The following CC2D2A variants were observed in gnomAD, a reference collection of about 807,000 sequenced individuals.
CC2D2A encodes coiled-coil and C2 domain containing 2A.
A neutral mutation model predicts 212.9 loss-of-function variants in CC2D2A; 155 were observed. The observed-to-expected ratio is 0.73, with a 90% confidence interval of 0.64 to 0.83. CC2D2A has a LOEUF of 0.83. Ranked by LOEUF, CC2D2A falls within the 40% of genes least tolerant of loss-of-function variation. The probability of loss-of-function intolerance (pLI) is 0.00; values close to 1 mark genes in which losing one functional copy is unlikely to be tolerated. For synonymous variants in CC2D2A, 667 were observed against 686.5 expected, an observed-to-expected ratio of 0.97 and a Z score of 0.44; for missense variants, 1,856 against 1,956.2, an observed-to-expected ratio of 0.95 and a Z score of 0.97.
At chr4:15,485,143 G>T (rs1161484870) in intron 4 of CC2D2A, among the ~76,000 whole-genome samples, 4 of 152,124 alleles carry the variant, frequency 2.6e-5, no homozygotes, top group Non-Finnish European at 5.9e-5. Flanking sequence ...CTCAAGACAG[G>T]GTCCTGCCTC....
chr4:15,492,895 G>T (rs2108988324), intron 4 of CC2D2A: 1 of 556,968 alleles, frequency 1.8e-6, no homozygotes, highest in Admixed American at 2.1e-5. Flanking sequence ...GACAGCCTGG[G>T]TGCTCAGTGT....
In CC2D2A at chr4:15,550,744, TAAC is replaced by T. The variant is rs1718953873; in HGVS notation, c.2182-75_2182-73del. 1.7e-5 allele frequency: 18 copies of T among 1,076,134 alleles called. No homozygotes were observed. In the South Asian group the frequency reaches 3.7e-4, roughly 22 times the overall value. The allele number at this position is 1,076,134 out of a possible 1,614,324, so 66.7% of individuals were successfully genotyped here. On this transcript the variant is annotated intron_variant, in intron 17 of 36. Coordinates refer to ENST00000424120, the MANE Select transcript of CC2D2A (RefSeq NM_001378615.1). ...CTGGAACAGTGACCAGCACAAATAC[TAAC>T]AACATGGACTGATTATCTGAGCGTG...
At position 15,559,239 on chromosome 4, in the gene CC2D2A, A is replaced by T. The variant is rs1457559560; in HGVS notation, c.2904A>T (p.Val968=). 1.4e-5 allele frequency: 21 copies of T among 1,551,344 alleles called. No individual in the cohort carries two copies. Among genetic ancestry groups the T allele is most frequent in the Non-Finnish European group, 1.8e-5 (21 of 1,146,222 alleles). Reference sequence around the variant, plus strand: ...ACATAGACACCCATAGGGCCATAGTAGCCAAGTACCTCCAGCAGGTAAGAA... The same window carrying T: ...ACATAGACACCCATAGGGCCATAGTTGCCAAGTACCTCCAGCAGGTAAGAA... The part of the protein sequence containing the change: ...KEHIDTHRAI[V]AKYLQQVRES... The change falls in exon 22 of 37, where the codon GTA becomes GTT. Residue 968 remains valine, a synonymous_variant. Coordinates refer to ENST00000424120, the MANE Select transcript of CC2D2A (RefSeq NM_001378615.1).
At chr4:15,573,137 A>ATGAAG (rs1720242653) in intron 28 of CC2D2A, among the ~76,000 whole-genome samples, 1 of 10,404 alleles carries the variant, frequency 9.6e-5, no homozygotes, top group African/African-American at 1.1e-4. Context: ...CTTCAGTCCA[A>ATGAAG]TCGATACTTA....
intron 1 of CC2D2A, among the ~76,000 whole-genome samples, chr4:15,473,558 T>C (rs1193669289): frequency 6.6e-6 from 1 of 152,200 alleles, no homozygotes; most frequent in Non-Finnish European, 1.5e-5. Flanking sequence ...TTTTACTCTG[T>C]TGACAAAGGG....
chr4:15,595,928 A>C (rs1721297836), intron 33 of CC2D2A, 157 bp from the exon 34 acceptor site: 2 of 466,764 alleles, frequency 4.3e-6, no homozygotes, highest in African/African-American at 4.0e-5. Flanking sequence ...TGTAAAATAC[A>C]CACAATTTTT....
At chr4:15,470,679 CTCTCTCTCTCTATATATA>C (rs1374207313) in intron 1 of CC2D2A, among the ~76,000 whole-genome samples, 18 of 70,346 alleles carry the variant, frequency 2.6e-4, no homozygotes, top group East Asian at 8.3e-4. Context: ...CTCTCTCTCT[CTCTCTCTCTCTATATATA>C]TATATATATA....
intron 1 of CC2D2A, chr4:15,473,204 G>A (rs1045200224): frequency 6.6e-6 from 1 of 152,100 alleles, no homozygotes; most frequent in African/African-American, 2.4e-5. Context: ...ACAAAATAAT[G>A]TTTCTGCCCT....
intron 29 of CC2D2A, among the ~76,000 whole-genome samples, chr4:15,576,845 A>G (rs1201405831): frequency 1.3e-5 from 2 of 152,244 alleles, no homozygotes; most frequent in Non-Finnish European, 2.9e-5. Context: ...CTTTGAATCT[A>G]AGAAGTCATC....
intron 9 of CC2D2A, 143 bp downstream of exon 9, chr4:15,515,012 C>CA (rs1269041415): frequency 1.5e-4 from 106 of 691,658 alleles, no homozygotes; most frequent in Middle Eastern, 2.8e-4. Context: ...TTCAAACAAA[C>CA]AAAAAAAACA....
rs764521697 is a variant in CC2D2A, at chr4:15,580,081, A to G, written c.3885A>G (p.Gly1295=). The G allele has an allele frequency of 3.7e-6, 6 of 1,613,976 alleles. No homozygotes were observed. The highest frequency in any genetic ancestry group is 5.1e-6 in the Non-Finnish European group (6 of 1,179,848). The change falls in exon 30 of 37, where the codon GGA becomes GGG. Residue 1295 remains glycine, a synonymous_variant. Transcript: ENST00000424120. ...TTACAACAGTAATTGATATAAGCGG[A>G]AAAACTGTTTTTATCACACGTTATC... is the stretch of plus-strand genomic sequence containing the variant. ...QCLTTVIDIS[G]KTVFITRYLK...
At chr4:15,579,893 T>C in intron 29 of CC2D2A, 75 bp from the exon 30 acceptor site, 1 of 1,172,878 alleles carries the variant, frequency 8.5e-7, no homozygotes, top group Non-Finnish European at 1.3e-6. Flanking sequence ...TTCCTGCATG[T>C]TGACTGTGGA....
At chr4:15,483,868 T>C (rs896215841) in intron 4 of CC2D2A, among the ~76,000 whole-genome samples, 8 of 152,208 alleles carry the variant, frequency 5.3e-5, no homozygotes, top group Non-Finnish European at 1.0e-4. Flanking sequence ...AAGCTTGTGA[T>C]TGAAACACAA....
chr4:15,479,157 C>G (rs912142321), intron 3 of CC2D2A: 2 of 1,180,706 alleles, frequency 1.7e-6, no homozygotes, highest in Non-Finnish European at 2.4e-6. Flanking sequence ...TGGCAGTACA[C>G]GATTACAAAT....
intron 4 of CC2D2A, among the ~76,000 whole-genome samples, chr4:15,486,430 A>G (rs1196306999): frequency 6.6e-6 from 1 of 151,932 alleles, no homozygotes; most frequent in Non-Finnish European, 1.5e-5. Context: ...CTAGCTTTCT[A>G]GAAGAAATGT....
In CC2D2A at chr4:15,550,110, T is replaced by C. The variant is rs554313611; in HGVS notation, c.2182-714T>C. The stretch of plus-strand genomic sequence containing the variant: ...TGAAGTGTGCCAAGAATACAGGGGA[T>C]CGAATGGAGCCAAGGGTCCAACTGA... On this transcript the variant is annotated intron_variant, in intron 17 of 36. Transcript: ENST00000424120. Among the ~76,000 whole-genome samples, 3 of 152,298 alleles carry C rather than the reference T, an allele frequency of 2.0e-5. No homozygotes were observed. The East Asian group carries it at 5.8e-4, about 29-fold the overall frequency.
rs1330090917 is a variant in CC2D2A at position 15,563,636 on chromosome 4, C to G, written c.3182+114C>G. 5 of 1,186,004 alleles carry G rather than the reference C, an allele frequency of 4.2e-6. No individual in the cohort carries two copies. The Admixed American group carries it at 1.1e-4, about 25-fold the overall frequency. The allele number at this position is 1,186,004 out of a possible 1,614,324, so 73.5% of individuals were successfully genotyped here. On this transcript the variant is annotated intron_variant, in intron 24 of 36. Transcript: ENST00000424120. ...AACGTGGTTATTGTTCAGCAGGGGACTGAGGGTTCTTGCAAAGCCAAGGCC... is the reference window on the plus strand; with the variant it reads ...AACGTGGTTATTGTTCAGCAGGGGAGTGAGGGTTCTTGCAAAGCCAAGGCC...
intron 6 of CC2D2A, among the ~76,000 whole-genome samples, chr4:15,508,205 C>T (rs967236593): frequency 1.3e-5 from 2 of 152,200 alleles, no homozygotes; most frequent in African/African-American, 4.8e-5. Flanking sequence ...CAGAGGATCC[C>T]TGTGGGTTAA....
At chr4:15,509,401 G>A (rs1052475281) in intron 6 of CC2D2A, among the ~76,000 whole-genome samples, 4 of 151,782 alleles carry the variant, frequency 2.6e-5, no homozygotes, top group Admixed American at 2.0e-4. Context: ...AGCCTCCCCA[G>A]TAGCTGGGAT....
Sources: gnomAD v4.1 joint callset for allele counts (sites outside exome capture counted in the v4.1 genomes callset) on GRCh38, gnomAD v4.1.1 for gene constraint, MANE v1.5 for transcripts, NCBI Gene and HGNC (gene_info 2026-07-23, HGNC 2026-07-21) for gene names.